XDH: variants seen among roughly 807,000 people sequenced by gnomAD.
The protein encoded by XDH is xanthine dehydrogenase.
A neutral mutation model predicts 156.1 loss-of-function variants in XDH; 138 were observed. That is an observed-to-expected ratio of 0.88 (90% confidence interval 0.77 to 1.02). The LOEUF is 1.02. Among genes scored for constraint, XDH ranks in the 50% least tolerant of loss-of-function variants. The pLI is 0.00. For missense variants in XDH, 1,849 were observed against 1,684.9 expected, an observed-to-expected ratio of 1.10 and a Z score of -1.71; for synonymous variants, 669 against 625.7, an observed-to-expected ratio of 1.07 and a Z score of -1.03.
chr2:31,359,715 A>T (rs1314028221), intron 24 of XDH, among the ~76,000 whole-genome samples: 1 of 152,154 alleles, frequency 6.6e-6, no homozygotes, highest in Non-Finnish European at 1.5e-5. Context: ...GAGAGGAGAT[A>T]TTGGGGAAGA....
chr2:31,410,952 T>C (rs1204356138), intron 1 of XDH, among the ~76,000 whole-genome samples: 1 of 152,062 alleles, frequency 6.6e-6, no homozygotes, highest in African/African-American at 2.4e-5. Context: ...CAAAGCTAAG[T>C]TTCTTGATTT....
intron 23 of XDH, among the ~76,000 whole-genome samples, chr2:31,365,200 G>A (rs915508853): frequency 6.6e-6 from 1 of 152,200 alleles, no homozygotes; most frequent in African/African-American, 2.4e-5. Flanking sequence ...ATGTTTCTGA[G>A]CCTGACCAGA....
Position 31,365,607 on chromosome 2 carries a change from C to A in XDH, c.2457-63G>T. On this transcript the variant is annotated intron_variant, in intron 22 of 35. Transcript: ENST00000379416. ...TCAACAGCAGCTCAGCCCTGCAAGTCTCAGAATAAAAACAGCCGGGAAGCC... is the reference window on the plus strand; with the variant it reads ...TCAACAGCAGCTCAGCCCTGCAAGTATCAGAATAAAAACAGCCGGGAAGCC... The A allele has an allele frequency of 6.3e-7, 1 of 1,594,546 alleles. No individual in the cohort carries two copies. The highest frequency in any genetic ancestry group is 1.1e-5 in the South Asian group (1 of 90,632).
chr2:31,374,025 A>G, intron 15 of XDH, 69 bp from the exon 16 acceptor site: 1 of 1,501,034 alleles, frequency 6.7e-7, no homozygotes, highest in Non-Finnish European at 9.1e-7. Context: ...TTGCTTGTCC[A>G]TAAAAATGAC....
intron 7 of XDH, among the ~76,000 whole-genome samples, 155 bp from the exon 8 acceptor site, chr2:31,388,052 C>A (rs896046097): frequency 1.3e-5 from 2 of 152,098 alleles, no homozygotes; most frequent in African/African-American, 4.8e-5. Context: ...ATGAGAGAGT[C>A]TCAGTTACAG....
chr2:31,343,774 GTA>G (rs1307996913), intron 31 of XDH, among the ~76,000 whole-genome samples: 1 of 142,946 alleles, frequency 7.0e-6, no homozygotes, highest in African/African-American at 2.5e-5. Context: ...TTTTTTGTGT[GTA>G]TATATGTTTA....
intron 23 of XDH, 114 bp from the exon 24 acceptor site, chr2:31,364,358 C>T: frequency 9.6e-7 from 1 of 1,046,454 alleles, no homozygotes; most frequent in African/African-American, 1.6e-5. Flanking sequence ...AACAGAACAC[C>T]ACATCATCCC....
rs762800111 is a variant in XDH at position 31,350,051 on chromosome 2, C to G, written c.2804G>C (p.Cys935Ser). The change falls in exon 25 of 36, where the codon TGT becomes TCT. Residue 935 changes from cysteine to serine, a missense_variant. Physicochemically the swap from Cys to Ser is moderately radical, Grantham distance 112. Transcript: ENST00000379416. Reference sequence around the variant, plus strand: ...GCTTACCTCCTCTGCAGGCATCCCACAGGTCACTGCAACTTCACTCATCCA... The same window carrying G: ...GCTTACCTCCTCTGCAGGCATCCCAGAGGTCACTGCAACTTCACTCATCCA... ...ECWMSEVAVT[C>S]GMPAEEVRRK... The G allele has an allele frequency of 1.9e-5, 31 of 1,614,070 alleles. No individual in the cohort carries two copies. The highest frequency in any genetic ancestry group is 2.6e-5 in the Non-Finnish European group (31 of 1,180,056).
At chr2:31,386,772 TC>T (rs1272436025) in intron 8 of XDH, among the ~76,000 whole-genome samples, 1 of 152,056 alleles carries the variant, frequency 6.6e-6, no homozygotes, top group Non-Finnish European at 1.5e-5. Flanking sequence ...AGCCTCATTT[TC>T]ACCAGTGAAA....
intron 1 of XDH, among the ~76,000 whole-genome samples, chr2:31,409,788 T>C (rs1016288786): frequency 2.0e-5 from 3 of 152,134 alleles, no homozygotes; most frequent in Non-Finnish European, 4.4e-5. Context: ...CCACTGTTGA[T>C]GGGAATGCAA....
chr2:31,410,640 G>C (rs925212353), intron 1 of XDH, among the ~76,000 whole-genome samples: 3 of 152,156 alleles, frequency 2.0e-5, no homozygotes, highest in Non-Finnish European at 4.4e-5. Context: ...ACAGAATGCA[G>C]TGAGAAAAAC....
intron 6 of XDH, among the ~76,000 whole-genome samples, chr2:31,394,834 G>A (rs927270691): frequency 7.2e-5 from 11 of 152,094 alleles, no homozygotes; most frequent in South Asian, 2.1e-4. Context: ...TGAGCCCACC[G>A]AAGGTAGTCT....
intron 18 of XDH, among the ~76,000 whole-genome samples, chr2:31,369,351 GTTTTA>G (rs1686008156): frequency 1.3e-5 from 2 of 152,202 alleles, no homozygotes; most frequent in Admixed American, 6.5e-5. Flanking sequence ...AATGATTGTT[GTTTTA>G]TTTTGTTTAA....
chr2:31,385,331 CCTG>C (rs1246436047), intron 9 of XDH, among the ~76,000 whole-genome samples: 3 of 152,310 alleles, frequency 2.0e-5, no homozygotes, highest in Middle Eastern at 3.4e-3. Context: ...CTCAGCCCAC[CCTG>C]CTGCCTCAGT....
At chr2:31,345,319 T>C (rs927259032) in intron 30 of XDH, among the ~76,000 whole-genome samples, 2 of 152,144 alleles carry the variant, frequency 1.3e-5, no homozygotes, top group African/African-American at 2.4e-5. Flanking sequence ...CAACACGCTA[T>C]AGCGCTCATG....
chr2:31,364,158 A>G lies in XDH; in HGVS notation c.2631T>C (p.Ser877=). The stretch of plus-strand genomic sequence containing the variant: ...AGGGGCGGCTGCAGGTCCTACTCAC[A>G]CTCTGAGAGAGATCCTGGGTGTTCC... ...NVGNTQDLSQ[S]IMERALFHMD... The change falls in exon 24 of 36, where the codon AGT becomes AGC. Residue 877 remains serine, a splice_region_variant and synonymous_variant. Coordinates refer to ENST00000379416, the MANE Select transcript of XDH (RefSeq NM_000379.4). The G allele has an allele frequency of 6.2e-7, 1 of 1,613,878 alleles. No individual in the cohort carries two copies. Among genetic ancestry groups the G allele is most frequent in the Non-Finnish European group, 8.5e-7 (1 of 1,179,986 alleles).
intron 24 of XDH, among the ~76,000 whole-genome samples, chr2:31,363,846 G>GTA (rs758884987): frequency 2.0e-5 from 3 of 151,770 alleles, no homozygotes; most frequent in African/African-American, 4.8e-5. Flanking sequence ...ATATGTTACT[G>GTA]TATATATATA....
intron 28 of XDH, 71 bp from the exon 29 acceptor site, chr2:31,347,721 C>T: frequency 6.4e-7 from 1 of 1,567,466 alleles, no homozygotes; most frequent in Non-Finnish European, 8.7e-7. Context: ...CTCCCCAAGA[C>T]AGGATTCACA....
intron 3 of XDH, among the ~76,000 whole-genome samples, chr2:31,402,387 A>G (rs1283453294): frequency 6.6e-6 from 1 of 152,070 alleles, no homozygotes; most frequent in African/African-American, 2.4e-5. Context: ...TGAGCTCATG[A>G]ACTGTTGTTT....
Sources: gnomAD v4.1 joint callset for allele counts (sites outside exome capture counted in the v4.1 genomes callset) on GRCh38, gnomAD v4.1.1 for gene constraint, MANE v1.5 for transcripts, NCBI Gene and HGNC (gene_info 2026-07-23, HGNC 2026-07-21) for gene names.